The following TBC1D5 variants were observed in gnomAD, a reference collection of about 807,000 sequenced individuals.
TBC1D5 encodes the protein TBC1 domain family member 5, also known as TBC1 domain family, member 5.
A neutral mutation model predicts 100.3 loss-of-function variants in TBC1D5; 75 were observed. The ratio of observed to expected loss-of-function variants is 0.75; its 90% confidence interval spans 0.62 to 0.91. The LOEUF (loss-of-function observed/expected upper bound fraction) is 0.91. TBC1D5 is among the 40% of genes least tolerant of loss of function. The pLI is 0.00. For missense variants in TBC1D5, 910 were observed against 942.4 expected (o/e 0.97, Z 0.45); for synonymous variants, 323 against 325.6 (o/e 0.99, Z 0.09).
chr3:17,264,840 C>T lies in TBC1D5; in HGVS notation c.1246-6249G>A, dbSNP rs9846303. On this transcript the variant is annotated intron_variant, in intron 15 of 21. Coordinates refer to ENST00000253692, the Ensembl canonical transcript of TBC1D5. ...CTCAATGAAATGGAAGCTATGGTTA[C>T]GTTTTGATACCACTGAGCACTGACA... Among the ~76,000 whole-genome samples the T allele has an allele frequency of 1.1e-3, 171 of 152,286 alleles. 1 individual carries two copies. Among genetic ancestry groups the T allele is most frequent in the African/African-American group, 3.8e-3 (159 of 41,564 alleles).
chr3:17,387,959 G>A (rs2093220043), intron 8 of TBC1D5, among the ~76,000 whole-genome samples: 1 of 151,876 alleles, frequency 6.6e-6, no homozygotes, highest in East Asian at 1.9e-4. Flanking sequence ...GTAGGAACTG[G>A]AAACAAATTT....
intron 13 of TBC1D5, among the ~76,000 whole-genome samples, chr3:17,341,363 A>ATTT (rs1220209622): frequency 6.6e-6 from 1 of 151,892 alleles, no homozygotes; most frequent in Admixed American, 6.6e-5. Flanking sequence ...CGCCCGGCTA[A>ATTT]TTTTTTGTAT....
intron 8 of TBC1D5, among the ~76,000 whole-genome samples, chr3:17,398,101 T>C (rs115020862): frequency 2.8e-4 from 42 of 152,274 alleles, no homozygotes; most frequent in African/African-American, 9.9e-4. Context: ...TTTTAAATAA[T>C]ACTGAATTTC....
intron 1 of TBC1D5, among the ~76,000 whole-genome samples, chr3:17,669,197 C>T (rs1371155008): frequency 6.6e-6 from 1 of 152,142 alleles, no homozygotes; most frequent in East Asian, 1.9e-4. Flanking sequence ...ACTTCTCCTT[C>T]CCGCCACCAT....
At chr3:17,239,392 AC>A (rs1433273014) in intron 16 of TBC1D5, among the ~76,000 whole-genome samples, 1 of 152,102 alleles carries the variant, frequency 6.6e-6, no homozygotes, top group African/African-American at 2.4e-5. Flanking sequence ...CCATTAGCAT[AC>A]AACCATGGTG....
At chr3:17,380,293 TAC>T (rs2092895414) in intron 9 of TBC1D5, among the ~76,000 whole-genome samples, 1 of 152,068 alleles carries the variant, frequency 6.6e-6, no homozygotes, top group African/African-American at 2.4e-5. Context: ...GTCTTTTGAA[TAC>T]CATTAAAACT....
chr3:17,321,852 A>T (rs1189116644), intron 13 of TBC1D5, among the ~76,000 whole-genome samples: 2 of 152,256 alleles, frequency 1.3e-5, no homozygotes, highest in African/African-American at 4.8e-5. Flanking sequence ...TACTTTAAAC[A>T]TTCTATGGAT....
At chr3:17,632,566 T>C (rs1432753461) in intron 1 of TBC1D5, among the ~76,000 whole-genome samples, 3 of 152,020 alleles carry the variant, frequency 2.0e-5, no homozygotes, top group Admixed American at 1.3e-4. Flanking sequence ...AAAGGAAGAG[T>C]CAACTGATAC....
chr3:17,410,843 A>C (rs2093904261), intron 4 of TBC1D5, among the ~76,000 whole-genome samples: 1 of 152,192 alleles, frequency 6.6e-6, no homozygotes, highest in Non-Finnish European at 1.5e-5. Flanking sequence ...TTGAGATGGA[A>C]TCTACTGCTG....
intron 3 of TBC1D5, among the ~76,000 whole-genome samples, chr3:17,444,598 G>A (rs546630055): frequency 6.6e-6 from 1 of 152,016 alleles, no homozygotes; most frequent in Non-Finnish European, 1.5e-5. Context: ...GCTGCCTTTA[G>A]AGAAATAAAT....
At chr3:17,723,395 T>G (rs548853319) in intron 1 of TBC1D5, among the ~76,000 whole-genome samples, 1 of 152,142 alleles carries the variant, frequency 6.6e-6, no homozygotes, top group African/African-American at 2.4e-5. Context: ...AAAACATCCA[T>G]TAATCACACC....
At chr3:17,576,286 G>A (rs1003749146) in intron 2 of TBC1D5, 1 of 152,076 alleles carries the variant, frequency 6.6e-6, no homozygotes, top group Admixed American at 6.6e-5. Flanking sequence ...CATGAAGGAA[G>A]TAAGAACAGC....
chr3:17,420,370 C>T (rs536158165), intron 4 of TBC1D5, among the ~76,000 whole-genome samples: 1 of 152,164 alleles, frequency 6.6e-6, no homozygotes, highest in African/African-American at 2.4e-5. Context: ...AATATTGACT[C>T]CTACTTAAAT....
chr3:17,531,013 G>A (rs1352842604), intron 2 of TBC1D5, among the ~76,000 whole-genome samples: 1 of 152,124 alleles, frequency 6.6e-6, no homozygotes, highest in Non-Finnish European at 1.5e-5. Flanking sequence ...GAAATAAAGG[G>A]CATTCAATTA....
At chr3:17,670,437 CT>C (rs2067810726) in intron 1 of TBC1D5, among the ~76,000 whole-genome samples, 1 of 152,204 alleles carries the variant, frequency 6.6e-6, no homozygotes, top group African/African-American at 2.4e-5. Context: ...GCTGTGCTTT[CT>C]TTCCAATTCT....
chr3:17,499,413 T>C (rs909612304), intron 3 of TBC1D5, among the ~76,000 whole-genome samples: 1 of 150,372 alleles, frequency 6.7e-6, no homozygotes, highest in Non-Finnish European at 1.5e-5. Flanking sequence ...TATTTCATTA[T>C]TTAAAAATTC....
chr3:17,245,439 C>T (rs533473536), intron 16 of TBC1D5, among the ~76,000 whole-genome samples: 1 of 151,908 alleles, frequency 6.6e-6, no homozygotes, highest in South Asian at 2.1e-4. Flanking sequence ...CTTGTTAGTA[C>T]TTACTCCTTT....
At chr3:17,722,706 A>G (rs1408879228) in intron 1 of TBC1D5, among the ~76,000 whole-genome samples, 1 of 152,220 alleles carries the variant, frequency 6.6e-6, no homozygotes, top group Non-Finnish European at 1.5e-5. Context: ...CAGTTTACAA[A>G]TGAGAAAACT....
chr3:17,417,286 A>G (rs1264814383), intron 4 of TBC1D5, among the ~76,000 whole-genome samples: 1 of 151,518 alleles, frequency 6.6e-6, no homozygotes, highest in African/African-American at 2.4e-5. Flanking sequence ...GGTGTGCTGC[A>G]CCCATTAACT....
Sources: allele counts gnomAD v4.1 joint callset (sites outside exome capture counted in the v4.1 genomes callset), GRCh38; gene constraint gnomAD v4.1.1; transcripts MANE v1.5; gene names NCBI Gene and HGNC (gene_info 2026-07-23, HGNC 2026-07-21).